MTRFR: variants seen among roughly 807,000 people sequenced by gnomAD.
MTRFR encodes mitochondrial translation release factor in rescue.
MTRFR carries 10 observed loss-of-function variants against 11.9 expected under a neutral mutation model. The observed-to-expected ratio is 0.84, with a 90% CI of 0.52 to 1.42. The LOEUF is 1.42. MTRFR is among the 40% of genes most tolerant of loss of function. The pLI, the probability that MTRFR is intolerant of heterozygous loss-of-function variation, is 0.00. For synonymous variants in MTRFR, 77 were observed against 79.1 expected (o/e 0.97, Z 0.14); for missense variants, 196 against 197.9 (o/e 0.99, Z 0.06).
At chr12:123,255,094 G>C (rs1374121799) in intron 2 of MTRFR, 1 of 152,202 alleles carries the variant, frequency 6.6e-6, no homozygotes, top group African/African-American at 2.4e-5. Context: ...GAAACGTGTG[G>C]GAGGAACTGT....
intron 1 of MTRFR, among the ~76,000 whole-genome samples, chr12:123,247,510 C>T (rs957859785): frequency 6.6e-6 from 1 of 152,138 alleles, no homozygotes; most frequent in Non-Finnish European, 1.5e-5. Context: ...TGCCTTTTTC[C>T]ACCCCTTTAA....
At chr12:123,236,676 A>G (rs2138740668) in intron 1 of MTRFR, among the ~76,000 whole-genome samples, 1 of 152,212 alleles carries the variant, frequency 6.6e-6, no homozygotes, top group South Asian at 2.1e-4. Context: ...TAATAGAAAT[A>G]TAGGCTTTGA....
intron 1 of MTRFR, chr12:123,249,157 C>G (rs989158917): frequency 3.3e-5 from 5 of 152,326 alleles, no homozygotes; most frequent in African/African-American, 9.6e-5. Flanking sequence ...ATTTACAAAC[C>G]TTGAGCTAGA....
chr12:123,238,652 A>G (rs568227031), intron 1 of MTRFR, among the ~76,000 whole-genome samples: 1 of 152,300 alleles, frequency 6.6e-6, no homozygotes, highest in African/African-American at 2.4e-5. Context: ...TGTCTGTCCT[A>G]GCAATCAGAA....
intron 1 of MTRFR, chr12:123,249,951 G>A (rs375709910): frequency 3.3e-5 from 5 of 152,218 alleles, no homozygotes; most frequent in East Asian, 1.9e-4. Flanking sequence ...AGTTTTCCTC[G>A]ATTATTCCCC....
intron 1 of MTRFR, among the ~76,000 whole-genome samples, chr12:123,234,458 C>T (rs754896111): frequency 1.3e-5 from 2 of 152,116 alleles, no homozygotes; most frequent in African/African-American, 4.8e-5. Context: ...GGCAGTGGCG[C>T]GATCTCGGCT....
At chr12:123,248,387 G>A (rs1193794931) in intron 1 of MTRFR, 1 of 153,002 alleles carries the variant, frequency 6.5e-6, no homozygotes, top group Non-Finnish European at 1.5e-5. Context: ...CTGTCTCACA[G>A]ACTCTTAAAA....
chr12:123,243,845 A>G (rs1016011507), intron 1 of MTRFR: 1 of 152,288 alleles, frequency 6.6e-6, no homozygotes, highest in Non-Finnish European at 1.5e-5. Context: ...GGAAATGCAC[A>G]TATTTACAAG....
intron 1 of MTRFR, chr12:123,253,333 C>A (rs956732058): frequency 8.7e-6 from 3 of 346,222 alleles, no homozygotes; most frequent in Admixed American, 8.0e-5. Context: ...CCACCATGCC[C>A]GGCCTGAATT....
intron 1 of MTRFR, among the ~76,000 whole-genome samples, chr12:123,238,897 C>G (rs946907305): frequency 3.3e-5 from 5 of 152,126 alleles, no homozygotes; most frequent in African/African-American, 1.2e-4. Flanking sequence ...ACATGTGGCC[C>G]AAACTGAGAT....
At chr12:123,233,270 C>A (rs932400869), upstream of MTRFR, 3 of 152,326 alleles carry the variant, frequency 2.0e-5, no homozygotes, top group African/African-American at 7.2e-5. Flanking sequence ...AGACATCCAA[C>A]CCCGGGGGAG....
intron 1 of MTRFR, among the ~76,000 whole-genome samples, chr12:123,234,823 T>C (rs970927322): frequency 1.2e-4 from 18 of 152,260 alleles, no homozygotes; most frequent in Non-Finnish European, 2.2e-4. Flanking sequence ...TATCTTTCAG[T>C]GTGAACCTGC....
chr12:123,249,704 C>T (rs968481618), intron 1 of MTRFR: 1 of 152,438 alleles, frequency 6.6e-6, no homozygotes, highest in African/African-American at 2.4e-5. Context: ...CTTGGCCAGT[C>T]CAGAGAGGGG....
At chr12:123,256,064 C>T (rs995902439) in intron 2 of MTRFR, among the ~76,000 whole-genome samples, 6 of 152,164 alleles carry the variant, frequency 3.9e-5, no homozygotes, top group South Asian at 2.1e-4. Flanking sequence ...CTATGCCTGG[C>T]TTAAGATTTA....
chr12:123,251,945 G>A (rs1396733475), intron 1 of MTRFR: 4 of 152,438 alleles, frequency 2.6e-5, no homozygotes, highest in Admixed American at 2.6e-4. Flanking sequence ...GCCAGTCTGA[G>A]TCCCAAAACT....
At chr12:123,243,720 AAG>A (rs2047987588) in intron 1 of MTRFR, 1 of 152,224 alleles carries the variant, frequency 6.6e-6, no homozygotes, top group African/African-American at 2.4e-5. Flanking sequence ...AAAAATAAAA[AAG>A]AAATAGCAGA....
At chr12:123,239,984 C>T (rs1302898345) in intron 1 of MTRFR, among the ~76,000 whole-genome samples, 2 of 152,246 alleles carry the variant, frequency 1.3e-5, no homozygotes, top group Admixed American at 6.5e-5. Flanking sequence ...AGAATACTAG[C>T]AGCATCCTTG....
rs774603963 is a variant in MTRFR, at chr12:123,257,059, G to C, written c.*28G>C. The C allele has an allele frequency of 5.2e-6, 8 of 1,553,194 alleles. No homozygotes were observed. The highest frequency in any genetic ancestry group is 1.1e-5 in the South Asian group (1 of 89,250). ...AAAGAATTAGAGATTCCAACTGACAGAATCTGCCAGAAGCTCCCAGGGAAT... is the reference window on the plus strand; with the variant it reads ...AAAGAATTAGAGATTCCAACTGACACAATCTGCCAGAAGCTCCCAGGGAAT... On this transcript the variant is annotated 3_prime_UTR_variant, in exon 3 of 3. Coordinates refer to ENST00000253233, the MANE Select transcript of MTRFR (RefSeq NM_152269.5).
intron 1 of MTRFR, chr12:123,249,899 C>T (rs752418373): frequency 6.6e-6 from 1 of 152,106 alleles, no homozygotes; most frequent in Non-Finnish European, 1.5e-5. Flanking sequence ...GTTCTTTGTG[C>T]TTCTCGTATT....
Sources: allele counts gnomAD v4.1 joint callset (sites outside exome capture counted in the v4.1 genomes callset), GRCh38; gene constraint gnomAD v4.1.1; transcripts MANE v1.5; gene names NCBI Gene and HGNC (gene_info 2026-07-23, HGNC 2026-07-21).